ANKRD22: variants seen among roughly 807,000 people sequenced by gnomAD.
The protein encoded by ANKRD22 is ankyrin repeat domain-containing protein 22.
In ANKRD22, 24 loss-of-function variants were observed where a neutral mutation model predicts 25.7. The ratio of observed to expected loss-of-function variants is 0.93; its 90% CI spans 0.68 to 1.31. The LOEUF is 1.31. Ranked by LOEUF, ANKRD22 falls within the 50% of genes most tolerant of loss-of-function variation. ANKRD22 has a pLI of 0.00. For synonymous variants in ANKRD22, 84 were observed against 84.3 expected, an observed-to-expected ratio of 1.00 and a Z score of 0.02; for missense variants, 214 against 227.1, an observed-to-expected ratio of 0.94 and a Z score of 0.37.
At position 88,820,459 on chromosome 10, in the gene ANKRD22, G is replaced by A. The variant is rs547618888; in HGVS notation, c.*2482C>T. ...AAATCATCCATCTGATGCAGCAGGA[G>A]GAGACCAACCTTTCCCAGGGACGGT... On this transcript the variant is annotated 3_prime_UTR_variant, in exon 6 of 6. Transcript: ENST00000371930. The A allele has an allele frequency of 6.4e-7, 1 of 1,551,824 alleles. No individual in the cohort carries two copies. The highest frequency in any genetic ancestry group is 2.4e-5 in the East Asian group (1 of 40,922).
chr10:88,829,662 A>G (rs1323144955), intron 2 of ANKRD22, among the ~76,000 whole-genome samples: 16 of 115,024 alleles, frequency 1.4e-4, no homozygotes, highest in Non-Finnish European at 6.6e-5. Context: ...GCAATTCAAT[A>G]TTTTTAAACA....
intron 1 of ANKRD22, among the ~76,000 whole-genome samples, chr10:88,840,018 C>CA (rs1843990024): frequency 6.6e-6 from 1 of 152,074 alleles, no homozygotes; most frequent in Admixed American, 6.6e-5. Flanking sequence ...AGAAACAAGC[C>CA]CCCCATAATG....
chr10:88,848,589 T>C (rs1844075230), intron 1 of ANKRD22, among the ~76,000 whole-genome samples: 1 of 152,158 alleles, frequency 6.6e-6, no homozygotes, highest in Non-Finnish European at 1.5e-5. Context: ...TGTCTCTGCC[T>C]AGCCTTTCTC....
At chr10:88,847,405 C>T in intron 1 of ANKRD22, among the ~76,000 whole-genome samples, 1 of 152,054 alleles carries the variant, frequency 6.6e-6, no homozygotes, top group East Asian at 1.9e-4. Flanking sequence ...ATTACAGGCA[C>T]ATGCCTCCAC....
rs938212292 is a variant in ANKRD22, at chr10:88,820,142, T to C, written c.*2799A>G. On this transcript the variant is annotated 3_prime_UTR_variant, in exon 6 of 6. Coordinates refer to ENST00000371930, the MANE Select transcript of ANKRD22 (RefSeq NM_144590.3). ...CCCATGTACCCTTCACCACAACAGA[T>C]GGCATGTTTATTATGTCTATTTGAA... 5.6e-6 allele frequency: 6 copies of C among 1,071,746 alleles called. No homozygotes were observed. In the South Asian group the frequency reaches 8.1e-5, roughly 14 times the overall value. The allele number at this position is 1,071,746 out of a possible 1,614,324, so 66.4% of individuals were successfully genotyped here.
Position 88,820,300 on chromosome 10 carries a change from C to A in ANKRD22, c.*2641G>T. On this transcript the variant is annotated 3_prime_UTR_variant, in exon 6 of 6. Transcript: ENST00000371930. The stretch of plus-strand genomic sequence containing the variant: ...CAGCAATGTGGACAGGAGGTCAGGA[C>A]TGGCTTTCAAATCCAGAAGACGTGA... 6.4e-7 allele frequency: 1 copy of A among 1,552,086 alleles called. No homozygotes were observed.
intron 1 of ANKRD22, among the ~76,000 whole-genome samples, chr10:88,840,756 G>A (rs1398471165): frequency 6.6e-6 from 1 of 152,160 alleles, no homozygotes; most frequent in Non-Finnish European, 1.5e-5. Flanking sequence ...AAACCTTGGA[G>A]AATGATAATA....
chr10:88,825,009 T>TCACA (rs771803296), intron 4 of ANKRD22, among the ~76,000 whole-genome samples: 1,678 of 132,828 alleles, frequency 0.013, 6 homozygotes, highest in East Asian at 0.02. Context: ...TCTCTCTCTC[T>TCACA]CTCACACACA....
intron 1 of ANKRD22, among the ~76,000 whole-genome samples, chr10:88,845,962 AT>A (rs1236401416): frequency 6.6e-6 from 1 of 152,148 alleles, no homozygotes; most frequent in Non-Finnish European, 1.5e-5. Flanking sequence ...GTTAACCACC[AT>A]CGTCATTATT....
In ANKRD22 at chr10:88,850,268, C is replaced by CT. The variant is rs981583623; in HGVS notation, c.21+1318dup. On this transcript the variant is annotated intron_variant, in intron 1 of 5. Transcript: ENST00000371930. ...CAGAATACCTGAGGATGAGACTAGG[C>CT]TTTTTTTTTTCCTTTTTCCAAATCA... 3.3e-3 allele frequency among the ~76,000 whole-genome samples: 493 copies of CT among 148,326 alleles called. 1 individual carries two copies. Among genetic ancestry groups the CT allele is most frequent in the Non-Finnish European group, 4.7e-3 (315 of 66,642 alleles).
intron 1 of ANKRD22, among the ~76,000 whole-genome samples, chr10:88,842,138 G>A (rs1844008495): frequency 6.6e-6 from 1 of 152,034 alleles, no homozygotes; most frequent in Non-Finnish European, 1.5e-5. Flanking sequence ...CTAAATGTAA[G>A]TCTCCTTTGG....
At chr10:88,828,804 A>G in intron 2 of ANKRD22, 138 bp from the exon 3 acceptor site, 1 of 637,036 alleles carries the variant, frequency 1.6e-6, no homozygotes, top group Non-Finnish European at 2.7e-6. Flanking sequence ...GATACATCTG[A>G]TTACTGAATG....
intron 5 of ANKRD22, 121 bp downstream of exon 5, chr10:88,823,159 A>T: frequency 8.1e-7 from 1 of 1,230,870 alleles, no homozygotes; most frequent in Non-Finnish European, 1.2e-6. Flanking sequence ...TCATTCCTTA[A>T]TGAGGATGAT....
chr10:88,849,923 A>G (rs1369142419), intron 1 of ANKRD22, among the ~76,000 whole-genome samples: 1 of 151,898 alleles, frequency 6.6e-6, no homozygotes, highest in Non-Finnish European at 1.5e-5. Context: ...TTGCATAACT[A>G]TTAGCACTGC....
At chr10:88,841,828 A>T (rs182303362) in intron 1 of ANKRD22, among the ~76,000 whole-genome samples, 2 of 152,136 alleles carry the variant, frequency 1.3e-5, no homozygotes, top group Non-Finnish European at 2.9e-5. Flanking sequence ...AACTGCAACC[A>T]ATCAAATATT....
intron 1 of ANKRD22, among the ~76,000 whole-genome samples, chr10:88,851,120 C>G (rs1844100490): frequency 6.6e-6 from 1 of 152,218 alleles, no homozygotes; most frequent in East Asian, 1.9e-4. Context: ...TAGTGATAGT[C>G]TTTACTAATA....
intron 2 of ANKRD22, among the ~76,000 whole-genome samples, chr10:88,829,329 G>T (rs1843884195): frequency 6.6e-6 from 1 of 152,176 alleles, no homozygotes; most frequent in African/African-American, 2.4e-5. Context: ...GAGCCCAAGA[G>T]AAAGAAAGGA....
Position 88,820,589 on chromosome 10 carries a change from G to C in ANKRD22, c.*2352C>G. Reference sequence around the variant, plus strand: ...CAGAATTACGGAGAGCAGAGACCTAGTATACATTTTTCAGATTCCCTGCAC... The same window carrying C: ...CAGAATTACGGAGAGCAGAGACCTACTATACATTTTTCAGATTCCCTGCAC... On this transcript the variant is annotated 3_prime_UTR_variant, in exon 6 of 6. Coordinates refer to ENST00000371930, the MANE Select transcript of ANKRD22 (RefSeq NM_144590.3). The C allele has an allele frequency of 7.7e-7, 1 of 1,296,730 alleles. No homozygotes were observed. The highest frequency in any genetic ancestry group is 1.0e-6 in the Non-Finnish European group (1 of 969,314). The allele number at this position is 1,296,730 out of a possible 1,614,324, so 80.3% of individuals were successfully genotyped here. A position where few individuals can be genotyped will look rare whatever the true frequency, so the allele number is the denominator to read the frequency against.
chr10:88,844,615 A>G (rs1435031916), intron 1 of ANKRD22, among the ~76,000 whole-genome samples: 2 of 152,122 alleles, frequency 1.3e-5, no homozygotes, highest in Non-Finnish European at 2.9e-5. Context: ...TAATTAAAGT[A>G]ATTATTGTTT....
Sources: allele counts gnomAD v4.1 joint callset (sites outside exome capture counted in the v4.1 genomes callset), GRCh38; gene constraint gnomAD v4.1.1; transcripts MANE v1.5; gene names NCBI Gene and HGNC (gene_info 2026-07-23, HGNC 2026-07-21).